PAK5: variants seen among roughly 807,000 people sequenced by gnomAD.
PAK5 encodes serine/threonine-protein kinase PAK 5.
PAK5 carries 16 observed loss-of-function variants against 65.9 expected under a neutral mutation model. The ratio of observed to expected loss-of-function variants is 0.24; its 90% CI spans 0.16 to 0.37. The LOEUF (loss-of-function observed/expected upper bound fraction) is 0.37, where lower values mean the gene tolerates loss of function less well. Among genes scored for constraint, PAK5 ranks in the 10% least tolerant of loss-of-function variants. The pLI, the probability that PAK5 is intolerant of heterozygous loss-of-function variation, is 1.00. For missense variants in PAK5, 785 were observed against 903.9 expected (o/e 0.87, Z 1.69); for synonymous variants, 371 against 354.9 (o/e 1.05, Z -0.51).
chr20:9,597,439 G>A (rs935585326), intron 3 of PAK5, among the ~76,000 whole-genome samples: 2 of 152,168 alleles, frequency 1.3e-5, no homozygotes, highest in African/African-American at 4.8e-5. Context: ...CCCTTTATGT[G>A]AACAAATCCT....
Position 9,679,190 on chromosome 20 carries a change from T to A in PAK5, c.-12+32096A>T, listed in dbSNP as rs559852131. Among the ~76,000 whole-genome samples the A allele has an allele frequency of 7.8e-4, 119 of 152,324 alleles. 1 individual carries two copies. In the South Asian group the frequency reaches 0.022, roughly 29 times the overall value. On this transcript the variant is annotated intron_variant, in intron 2 of 9. Transcript: ENST00000353224. The stretch of plus-strand genomic sequence containing the variant: ...CCTGTAATTTTTCTCAGTAACATAT[T>A]CTTTCCTCTAGTTTACTTTATTGTA...
intron 1 of PAK5, among the ~76,000 whole-genome samples, chr20:9,738,055 T>C (rs149138184): frequency 0.015 from 2,341 of 152,068 alleles, 58 homozygotes; most frequent in African/African-American, 0.052. Context: ...GCAGGAGAAT[T>C]GCTTGAACCT....
chr20:9,819,818 C>T (rs2049399093), intron 1 of PAK5, among the ~76,000 whole-genome samples: 1 of 152,130 alleles, frequency 6.6e-6, no homozygotes, highest in African/African-American at 2.4e-5. Flanking sequence ...ATTAGAACTA[C>T]TGAAATTCAA....
At chr20:9,640,615 C>A (rs946296604) in intron 3 of PAK5, among the ~76,000 whole-genome samples, 25 of 152,080 alleles carry the variant, frequency 1.6e-4, no homozygotes, top group Non-Finnish European at 3.4e-4. Context: ...AGAATGAAGC[C>A]GCGGACCCTC....
intron 2 of PAK5, among the ~76,000 whole-genome samples, chr20:9,660,987 T>C (rs984035645): frequency 1.3e-5 from 2 of 152,084 alleles, no homozygotes; most frequent in African/African-American, 2.4e-5. Context: ...ACCTACTGAC[T>C]CAGTAGCTCT....
chr20:9,833,555 A>C (rs1284912188), intron 1 of PAK5, among the ~76,000 whole-genome samples: 1 of 149,112 alleles, frequency 6.7e-6, no homozygotes, highest in Non-Finnish European at 1.5e-5. Context: ...CACTCTCCAC[A>C]CCACCTGTAT....
intron 1 of PAK5, among the ~76,000 whole-genome samples, chr20:9,736,865 A>G (rs1360920609): frequency 1.3e-5 from 2 of 152,228 alleles, no homozygotes; most frequent in African/African-American, 2.4e-5. Context: ...CATCATAATT[A>G]TATTGCTCAA....
chr20:9,592,948 C>G (rs1200335486), intron 3 of PAK5, among the ~76,000 whole-genome samples: 2 of 152,078 alleles, frequency 1.3e-5, no homozygotes. Flanking sequence ...AAGCCCGTAG[C>G]TGAAATATTC....
chr20:9,808,070 T>C (rs537626888), intron 1 of PAK5, among the ~76,000 whole-genome samples: 46 of 152,200 alleles, frequency 3.0e-4, no homozygotes, highest in African/African-American at 1.1e-3. Context: ...AATAGACAAG[T>C]TGAGGTGTGT....
chr20:9,696,327 G>A (rs1474397853), intron 2 of PAK5, among the ~76,000 whole-genome samples: 2 of 152,088 alleles, frequency 1.3e-5, no homozygotes, highest in African/African-American at 4.8e-5. Flanking sequence ...TCTAGTGGGT[G>A]GGTCTAGCAA....
At chr20:9,737,362 T>C (rs1408892844) in intron 1 of PAK5, among the ~76,000 whole-genome samples, 1 of 152,128 alleles carries the variant, frequency 6.6e-6, no homozygotes, top group Non-Finnish European at 1.5e-5. Flanking sequence ...ATTAATATCA[T>C]AAAACATAGA....
intron 2 of PAK5, among the ~76,000 whole-genome samples, chr20:9,646,033 C>T (rs6077576): frequency 0.3 from 46,011 of 152,106 alleles, 7,147 homozygotes; most frequent in East Asian, 0.38. Flanking sequence ...TTTTTCATTA[C>T]TGTTTGCCTG....
chr20:9,737,651 A>G (rs1351786736), intron 1 of PAK5, among the ~76,000 whole-genome samples: 1 of 152,226 alleles, frequency 6.6e-6, no homozygotes, highest in African/African-American at 2.4e-5. Context: ...CAACTAAAAA[A>G]TGGGCAAAAG....
At chr20:9,672,645 C>A (rs1232341404) in intron 2 of PAK5, among the ~76,000 whole-genome samples, 1 of 152,082 alleles carries the variant, frequency 6.6e-6, no homozygotes, top group Non-Finnish European at 1.5e-5. Flanking sequence ...GTCAATTAAA[C>A]CTCTTGCCCT....
chr20:9,606,385 C>G (rs1032730872), intron 3 of PAK5, among the ~76,000 whole-genome samples: 3 of 152,162 alleles, frequency 2.0e-5, no homozygotes, highest in African/African-American at 7.2e-5. Flanking sequence ...GCCAATTACT[C>G]TTTTCTTTAT....
intron 3 of PAK5, among the ~76,000 whole-genome samples, chr20:9,588,321 C>A (rs984216969): frequency 1.3e-5 from 2 of 152,214 alleles, no homozygotes; most frequent in African/African-American, 4.8e-5. Context: ...ACAGTCTTTT[C>A]TTGGATTTCA....
chr20:9,559,111 G>T (rs1290775674), intron 6 of PAK5, among the ~76,000 whole-genome samples: 2 of 152,076 alleles, frequency 1.3e-5, no homozygotes, highest in African/African-American at 4.8e-5. Flanking sequence ...TATTTGGATG[G>T]CACAGGTTGT....
At chr20:9,602,059 G>A (rs572232922) in intron 3 of PAK5, among the ~76,000 whole-genome samples, 17 of 152,230 alleles carry the variant, frequency 1.1e-4, no homozygotes, top group African/African-American at 3.6e-4. Flanking sequence ...TTGGGAGGCC[G>A]AGGCGGGAGG....
At chr20:9,834,986 ATTCTTAACT>A (rs1979027624) in intron 1 of PAK5, among the ~76,000 whole-genome samples, 1 of 152,180 alleles carries the variant, frequency 6.6e-6, no homozygotes, top group Non-Finnish European at 1.5e-5. Flanking sequence ...TTTTGACTCA[ATTCTTAACT>A]TCTAGCCTAA....
Sources: gnomAD v4.1 joint callset for allele counts (sites outside exome capture counted in the v4.1 genomes callset) on GRCh38, gnomAD v4.1.1 for gene constraint, MANE v1.5 for transcripts, NCBI Gene and HGNC (gene_info 2026-07-23, HGNC 2026-07-21) for gene names.